ANKRD6: variants seen among roughly 807,000 people sequenced by gnomAD.
The protein encoded by ANKRD6 is ankyrin repeat domain 6, also known as ankyrin repeat domain-containing protein 6.
Under a neutral mutation model 82.3 loss-of-function variants are expected in ANKRD6, and 56 were observed. The observed-to-expected ratio is 0.68, with a 90% CI of 0.55 to 0.85. The LOEUF (loss-of-function observed/expected upper bound fraction) is 0.85. Among genes scored for constraint, ANKRD6 ranks in the 40% least tolerant of loss-of-function variants. ANKRD6 has a pLI of 0.00. For synonymous variants in ANKRD6, 347 were observed against 352.1 expected (o/e 0.99, Z 0.16); for missense variants, 852 against 907.6 (o/e 0.94, Z 0.79).
chr6:89,624,488 C>T, intron 12 of ANKRD6, 51 bp from the exon 13 acceptor site: 1 of 1,542,968 alleles, frequency 6.5e-7, no homozygotes, highest in Non-Finnish European at 8.8e-7. Context: ...TCAAAACATA[C>T]CTGATGAAGG....
chr6:89,624,897 A>T (rs977116638), intron 13 of ANKRD6, among the ~76,000 whole-genome samples: 1 of 152,236 alleles, frequency 6.6e-6, no homozygotes, highest in East Asian at 1.9e-4. Context: ...TATTATAGAA[A>T]TAAGATATCC....
chr6:89,505,493 C>G (rs1304943475), intron 1 of ANKRD6, among the ~76,000 whole-genome samples: 5 of 152,194 alleles, frequency 3.3e-5, no homozygotes, highest in African/African-American at 1.2e-4. Context: ...GCAGGGCTGC[C>G]AATTACAGGA....
At chr6:89,601,316 G>A (rs1797103262) in intron 3 of ANKRD6, among the ~76,000 whole-genome samples, 1 of 152,132 alleles carries the variant, frequency 6.6e-6, no homozygotes, top group East Asian at 1.9e-4. Context: ...GGTGGTGGCA[G>A]TGCTGAGGAC....
chr6:89,477,701 G>A (rs1422895691), intron 1 of ANKRD6, among the ~76,000 whole-genome samples: 2 of 150,230 alleles, frequency 1.3e-5, no homozygotes, highest in African/African-American at 2.5e-5. Flanking sequence ...AACCCGGGGG[G>A]TGGAGCTTGC....
At chr6:89,500,972 C>CTTTTT (rs35877637) in intron 1 of ANKRD6, among the ~76,000 whole-genome samples, 4 of 121,822 alleles carry the variant, frequency 3.3e-5, no homozygotes, top group Non-Finnish European at 3.4e-5. Context: ...CCCAATTAGT[C>CTTTTT]TTTTTTTTTT....
intron 1 of ANKRD6, among the ~76,000 whole-genome samples, chr6:89,506,769 T>G (rs1446462359): frequency 6.6e-6 from 1 of 152,224 alleles, no homozygotes; most frequent in Non-Finnish European, 1.5e-5. Flanking sequence ...CACAGGTGAC[T>G]TTAGTTGGTT....
chr6:89,578,054 C>T (rs987035423), intron 2 of ANKRD6, among the ~76,000 whole-genome samples: 10 of 152,088 alleles, frequency 6.6e-5, no homozygotes, highest in South Asian at 2.1e-4. Flanking sequence ...AGAGGGTGAG[C>T]CCCCCAGAGT....
chr6:89,471,939 CAAAAAAAAAAA>C (rs749607605), intron 1 of ANKRD6, among the ~76,000 whole-genome samples: 2 of 52,604 alleles, frequency 3.8e-5, no homozygotes, highest in East Asian at 7.2e-4. Flanking sequence ...AACTCCATCT[CAAAAAAAAAAA>C]AAAAAAAAAA....
At chr6:89,581,413 C>T (rs1792497570) in intron 2 of ANKRD6, 1 of 152,220 alleles carries the variant, frequency 6.6e-6, no homozygotes. Context: ...CTATACTCCA[C>T]CAGCAGTGTG....
chr6:89,535,107 A>G (rs1783657803), intron 1 of ANKRD6, among the ~76,000 whole-genome samples: 1 of 152,232 alleles, frequency 6.6e-6, no homozygotes, highest in Non-Finnish European at 1.5e-5. Flanking sequence ...CTTAAACAAG[A>G]GTAAAGTTCT....
intron 1 of ANKRD6, among the ~76,000 whole-genome samples, chr6:89,475,784 A>G (rs116294070): frequency 0.013 from 1,928 of 152,332 alleles, 44 homozygotes; most frequent in African/African-American, 0.044. Flanking sequence ...ACATTTAACA[A>G]ATACTGCCAG....
chr6:89,606,833 G>A (rs1388197543), intron 5 of ANKRD6, among the ~76,000 whole-genome samples: 1 of 149,796 alleles, frequency 6.7e-6, no homozygotes, highest in Non-Finnish European at 1.5e-5. Flanking sequence ...TCCAGCCTGG[G>A]CACAGAGTGA....
chr6:89,624,169 C>T lies in ANKRD6; in HGVS notation c.1218+112C>T, dbSNP rs1804725344. On this transcript the variant is annotated intron_variant, in intron 12 of 15. Transcript: ENST00000339746. ...CTTTAGGCATTGACTTAGTTGAGCA[C>T]AAGCTTTGAAGGTAAGCCAGATGGC... 5 of 1,277,534 alleles carry T rather than the reference C, an allele frequency of 3.9e-6. No homozygotes were observed. In the African/African-American group the frequency reaches 4.5e-5, roughly 12 times the overall value. 79.1% of individuals were successfully genotyped at this position (1,277,534 alleles called of 1,614,324 possible).
At chr6:89,592,580 A>G (rs1484287757) in intron 2 of ANKRD6, among the ~76,000 whole-genome samples, 1 of 152,124 alleles carries the variant, frequency 6.6e-6, no homozygotes, top group East Asian at 1.9e-4. Context: ...CCTGTTGGTA[A>G]TTTAGTTTCT....
chr6:89,565,208 A>G (rs1378628309), intron 1 of ANKRD6: 5 of 148,820 alleles, frequency 3.4e-5, no homozygotes, highest in Admixed American at 6.7e-5. Flanking sequence ...GGCTTGTTCT[A>G]TTTCTGGCAT....
intron 1 of ANKRD6, among the ~76,000 whole-genome samples, chr6:89,454,884 A>C (rs549713343): frequency 6.6e-6 from 1 of 152,342 alleles, no homozygotes; most frequent in African/African-American, 2.4e-5. Context: ...TCTGTCACCC[A>C]GGCTGATGAG....
intron 2 of ANKRD6, 126 bp downstream of exon 2, chr6:89,567,222 G>C: frequency 7.5e-7 from 1 of 1,327,410 alleles, no homozygotes; most frequent in South Asian, 1.6e-5. Context: ...AATGATGGAG[G>C]TTTGGGGAGA....
intron 1 of ANKRD6, among the ~76,000 whole-genome samples, chr6:89,480,083 T>A (rs994656045): frequency 6.6e-6 from 1 of 152,198 alleles, no homozygotes; most frequent in Non-Finnish European, 1.5e-5. Context: ...GGCACAATAC[T>A]GTCACAAACT....
At chr6:89,446,014 C>T (rs1772039958) in intron 1 of ANKRD6, among the ~76,000 whole-genome samples, 1 of 152,186 alleles carries the variant, frequency 6.6e-6, no homozygotes, top group Non-Finnish European at 1.5e-5. Flanking sequence ...CCATCTCTCT[C>T]CCTCTCTTTG....
Sources: gnomAD v4.1 joint callset for allele counts (sites outside exome capture counted in the v4.1 genomes callset) on GRCh38, gnomAD v4.1.1 for gene constraint, MANE v1.5 for transcripts, NCBI Gene and HGNC (gene_info 2026-07-23, HGNC 2026-07-21) for gene names.